CDH7: variants seen among roughly 807,000 people sequenced by gnomAD.
The protein encoded by CDH7 is cadherin 7.
Under a neutral mutation model 71.8 loss-of-function variants are expected in CDH7, and 25 were observed. The ratio of observed to expected loss-of-function variants is 0.35; its 90% confidence interval spans 0.25 to 0.49. The LOEUF (loss-of-function observed/expected upper bound fraction) is 0.49. Among genes scored for constraint, CDH7 ranks in the 20% least tolerant of loss-of-function variants. The pLI is 0.99. For missense variants in CDH7, 862 were observed against 974.6 expected (o/e 0.88, Z 1.54); for synonymous variants, 381 against 363.8 (o/e 1.05, Z -0.54).
intron 2 of CDH7, among the ~76,000 whole-genome samples, chr18:65,782,526 T>A (rs1205669560): frequency 6.6e-6 from 1 of 152,086 alleles, no homozygotes; most frequent in Admixed American, 6.6e-5. Flanking sequence ...CAAAATTTTC[T>A]TTTGGATGGG....
In CDH7 at chr18:65,857,866, C is replaced by A. The variant is rs1913419195; in HGVS notation, c.1286C>A (p.Ala429Asp). The A allele has an allele frequency of 6.2e-7, 1 of 1,612,304 alleles. No homozygotes were observed. The highest frequency in any genetic ancestry group is 8.5e-7 in the Non-Finnish European group (1 of 1,178,660). ...TTGGAGAGATACTTCAATATTGATG[C>A]CAACAGTGGGGTCATCACAACTGCC... ...TDLERYFNID[A>D]NSGVITTAKS... The change falls in exon 8 of 12, where the codon GCC becomes GAC. Residue 429 changes from alanine to aspartate, a missense_variant. Ala to Asp is a moderately radical substitution (Grantham distance 126). Coordinates refer to ENST00000397968, the MANE Select transcript of CDH7 (RefSeq NM_004361.5).
rs916144681 is a variant in CDH7, at chr18:65,751,157, G to A, written c.-197+7G>A. On this transcript the variant is annotated splice_region_variant and intron_variant, in intron 1 of 11. Transcript: ENST00000397968. Reference sequence around the variant, plus strand: ...GAGGGCAGCGAGGCCCCAGGTGAGTGTGTCTGCCTGCGCGGGGCTGGGGAG... The same window carrying A: ...GAGGGCAGCGAGGCCCCAGGTGAGTATGTCTGCCTGCGCGGGGCTGGGGAG... 1 of 152,422 alleles carries A rather than the reference G, an allele frequency of 6.6e-6. No individual in the cohort carries two copies. Among genetic ancestry groups the A allele is most frequent in the African/African-American group, 2.4e-5 (1 of 41,476 alleles). The allele number at this position is 152,422 out of a possible 1,614,324, so 9.4% of individuals were successfully genotyped here.
At chr18:65,816,928 C>G (rs1461065964) in intron 4 of CDH7, among the ~76,000 whole-genome samples, 1 of 152,158 alleles carries the variant, frequency 6.6e-6, no homozygotes. Context: ...TAAGGTGTAT[C>G]TGTTTATTTT....
chr18:65,862,764 T>A lies in CDH7; in HGVS notation c.1711T>A (p.Ser571Thr). 6.2e-7 allele frequency: 1 copy of A among 1,614,140 alleles called. No homozygotes were observed. Among genetic ancestry groups the A allele is most frequent in the African/African-American group, 1.3e-5 (1 of 75,028 alleles). ...PIFIVDSGSP[S>T]LSSTNTLTIR... ...TTTCATTGTGGACAGTGGATCTCCC[T>A]CACTTAGCAGCACCAACACCCTCAC... The change falls in exon 11 of 12, where the codon TCA (serine) becomes ACA (threonine). Residue 571 changes from serine to threonine, a missense_variant. Ser to Thr is a moderately conservative substitution (Grantham distance 58, BLOSUM62 1). Coordinates refer to ENST00000397968, the MANE Select transcript of CDH7 (RefSeq NM_004361.5).
chr18:65,880,491 G>A lies in CDH7; in HGVS notation c.1955G>A (p.Arg652Lys), dbSNP rs757266413. The change falls in exon 12 of 12, where the codon AGA becomes AAA. Residue 652 changes from arginine to lysine, a missense_variant. Coordinates refer to ENST00000397968, the MANE Select transcript of CDH7 (RefSeq NM_004361.5). ...AGAGACATCAGAGAAAATATTGTGA[G>A]ATACGATGACGAGGGCGGGGGAGAG... ...EERDIRENIVRYDDEGGGEED... is the reference protein window; with the variant it reads ...EERDIRENIVKYDDEGGGEED... 6.2e-7 allele frequency: 1 copy of A among 1,605,418 alleles called. No individual in the cohort carries two copies. The highest frequency in any genetic ancestry group is 2.2e-5 in the East Asian group (1 of 44,816).
intron 4 of CDH7, among the ~76,000 whole-genome samples, chr18:65,819,166 C>A (rs906431054): frequency 3.9e-5 from 6 of 152,144 alleles, no homozygotes; most frequent in African/African-American, 1.4e-4. Flanking sequence ...GAAGTTACCA[C>A]CTGTCTCCGT....
At chr18:65,821,512 CA>C (rs1436333605) in intron 4 of CDH7, among the ~76,000 whole-genome samples, 3 of 151,940 alleles carry the variant, frequency 2.0e-5, no homozygotes, top group African/African-American at 7.3e-5. Context: ...TGAGTAATGT[CA>C]AAAAATAAAT....
rs1299305023 is a variant in CDH7, at chr18:65,757,042, C to T, written c.-196-5605C>T. Among the ~76,000 whole-genome samples the T allele has an allele frequency of 3.1e-5, 4 of 128,686 alleles. No homozygotes were observed. In the East Asian group the frequency reaches 8.7e-4, roughly 28 times the overall value. 84.4% of individuals were successfully genotyped at this position (128,686 alleles called of 152,430 possible). ...TAGTAATTGATATGCTAATGCATAA[C>T]AGTTTTTTTTTTTTTTGCATGAAAG... On this transcript the variant is annotated intron_variant, in intron 1 of 11. Coordinates refer to ENST00000397968, the MANE Select transcript of CDH7 (RefSeq NM_004361.5).
intron 7 of CDH7, among the ~76,000 whole-genome samples, chr18:65,847,873 A>G (rs1054346939): frequency 6.6e-6 from 1 of 152,040 alleles, no homozygotes; most frequent in Admixed American, 6.6e-5. Context: ...TGTGGCAGGG[A>G]GTGGTATGTG....
chr18:65,869,138 T>G (rs1462673560), intron 11 of CDH7, among the ~76,000 whole-genome samples: 2 of 152,132 alleles, frequency 1.3e-5, no homozygotes, highest in Non-Finnish European at 2.9e-5. Context: ...GGTCAATTAG[T>G]CCGCACATAC....
chr18:65,778,202 G>GGA (rs1169917425), intron 2 of CDH7, among the ~76,000 whole-genome samples: 1 of 150,556 alleles, frequency 6.6e-6, no homozygotes, highest in East Asian at 2.0e-4. Flanking sequence ...AACCCAGGAG[G>GGA]GAGAGGTTGC....
intron 6 of CDH7, among the ~76,000 whole-genome samples, chr18:65,827,525 T>C (rs1353669538): frequency 6.6e-6 from 1 of 151,916 alleles, no homozygotes; most frequent in Admixed American, 6.6e-5. Context: ...AGTTCAGATG[T>C]TGAATGCTAA....
intron 2 of CDH7, among the ~76,000 whole-genome samples, chr18:65,769,863 A>G (rs1916491746): frequency 6.6e-6 from 1 of 152,196 alleles, no homozygotes; most frequent in African/African-American, 2.4e-5. Flanking sequence ...GTCAGAAGAT[A>G]GAGGATGTTG....
intron 3 of CDH7, 142 bp downstream of exon 3, chr18:65,810,140 C>T (rs1223082056): frequency 1.6e-5 from 10 of 640,742 alleles, no homozygotes; most frequent in Non-Finnish European, 2.4e-5. Context: ...GTGAGGGGAA[C>T]ATTTGAGACA....
At chr18:65,766,654 T>G (rs1916377404) in intron 2 of CDH7, among the ~76,000 whole-genome samples, 1 of 151,988 alleles carries the variant, frequency 6.6e-6, no homozygotes, top group African/African-American at 2.4e-5. Context: ...TTTCCTTACA[T>G]GTATGTTTTA....
rs1488127571 is a variant in CDH7 at position 65,781,838 on chromosome 18, CTTTCTTTCTTTCTTTCTTTCTT to C, written c.210+18788_210+18809del. Among the ~76,000 whole-genome samples the C allele has an allele frequency of 1.0e-3, 93 of 92,348 alleles. 7 individuals are homozygous for C. Among genetic ancestry groups the C allele is most frequent in the African/African-American group, 6.0e-3 (86 of 14,236 alleles). 60.6% of individuals were successfully genotyped at this position (92,348 alleles called of 152,430 possible). On this transcript the variant is annotated intron_variant, in intron 2 of 11. Coordinates refer to ENST00000397968, the MANE Select transcript of CDH7 (RefSeq NM_004361.5). Reference sequence around the variant, plus strand: ...TCCTTCCTTCTTTCTTTCTTTCTTTCTTTCTTTCTTTCTTTCTTTCTTTCTTTCTCTCTCTCTCTCTGTCTCT... The same window carrying C: ...TCCTTCCTTCTTTCTTTCTTTCTTTCTCTTTCTCTCTCTCTCTCTGTCTCT...
intron 11 of CDH7, among the ~76,000 whole-genome samples, chr18:65,870,776 G>T (rs1010111267): frequency 6.6e-6 from 1 of 152,036 alleles, no homozygotes; most frequent in African/African-American, 2.4e-5. Flanking sequence ...CATAGTATTT[G>T]TTTCTTTTGT....
intron 11 of CDH7, 64 bp downstream of exon 11, chr18:65,862,981 C>T: frequency 6.6e-7 from 1 of 1,519,494 alleles, no homozygotes; most frequent in Non-Finnish European, 9.0e-7. Flanking sequence ...TCACGACTTG[C>T]CTATTATCTT....
At chr18:65,846,269 A>G (rs186418330) in intron 7 of CDH7, among the ~76,000 whole-genome samples, 305 of 152,226 alleles carry the variant, frequency 2.0e-3, no homozygotes, top group African/African-American at 4.7e-3. Context: ...TTTTGGAAGT[A>G]AAAATCTCTG....
Sources: allele counts gnomAD v4.1 joint callset (sites outside exome capture counted in the v4.1 genomes callset), GRCh38; gene constraint gnomAD v4.1.1; transcripts MANE v1.5; gene names NCBI Gene and HGNC (gene_info 2026-07-23, HGNC 2026-07-21).